Variants in DOK6 observed in about 807,000 individuals in gnomAD.
The protein encoded by DOK6 is downstream of tyrosine kinase 6.
A neutral mutation model predicts 44.0 loss-of-function variants in DOK6; 22 were observed. The observed-to-expected ratio is 0.50, with a 90% confidence interval of 0.36 to 0.71. The LOEUF is 0.71. DOK6 is among the 30% of genes least tolerant of loss of function. DOK6 has a pLI of 0.00. For synonymous variants in DOK6, 166 were observed against 145.5 expected, an observed-to-expected ratio of 1.14 and a Z score of -1.01; for missense variants, 340 against 416.4, an observed-to-expected ratio of 0.82 and a Z score of 1.60.
rs137938952 is a variant in DOK6 at position 69,783,960 on chromosome 18, G to A, written c.856+26087G>A. Among the ~76,000 whole-genome samples, 562 of 152,328 alleles carry A rather than the reference G, an allele frequency of 3.7e-3. 7 individuals are homozygous for A. The highest frequency in any genetic ancestry group is 0.013 in the African/African-American group (543 of 41,572). On this transcript the variant is annotated intron_variant, in intron 7 of 7. Coordinates refer to ENST00000382713, the MANE Select transcript of DOK6 (RefSeq NM_152721.6). Reference sequence around the variant, plus strand: ...TGTAATCCCAGCACTTTGGGAGGCAGAGGCGTGTTGATCACTTCAGCCCAT... The same window carrying A: ...TGTAATCCCAGCACTTTGGGAGGCAAAGGCGTGTTGATCACTTCAGCCCAT...
chr18:69,674,303 A>G lies in DOK6; in HGVS notation c.290-3431A>G, dbSNP rs368087404. Among the ~76,000 whole-genome samples, 75 of 152,344 alleles carry G rather than the reference A, an allele frequency of 4.9e-4. 1 individual carries two copies. The South Asian group carries it at 0.014, about 29-fold the overall frequency. On this transcript the variant is annotated intron_variant, in intron 3 of 7. Coordinates refer to ENST00000382713, the MANE Select transcript of DOK6 (RefSeq NM_152721.6). Reference sequence around the variant, plus strand: ...AAAACTGTTAGCTCCAAGTATACAGACTACAAAGGTTAATACTTTTGAGGT... The same window carrying G: ...AAAACTGTTAGCTCCAAGTATACAGGCTACAAAGGTTAATACTTTTGAGGT...
At chr18:69,754,838 A>G (rs1979302945) in intron 6 of DOK6, among the ~76,000 whole-genome samples, 1 of 152,176 alleles carries the variant, frequency 6.6e-6, no homozygotes, top group Admixed American at 6.5e-5. Flanking sequence ...CTTCAAATAT[A>G]GTCATTTGGG....
intron 1 of DOK6, among the ~76,000 whole-genome samples, chr18:69,455,520 ATT>A (rs922121141): frequency 3.9e-5 from 6 of 152,060 alleles, no homozygotes; most frequent in Non-Finnish European, 8.8e-5. Context: ...AAAATACCTC[ATT>A]TTTTGTTTCT....
intron 1 of DOK6, among the ~76,000 whole-genome samples, chr18:69,487,388 C>T (rs1011645967): frequency 1.3e-5 from 2 of 152,056 alleles, no homozygotes; most frequent in Non-Finnish European, 2.9e-5. Context: ...TTGAGGAGGT[C>T]ACTAAGATCA....
rs993407482 is a variant in DOK6 at position 69,604,105 on chromosome 18, T to C, written c.289+4607T>C. ...TTAAACTGAACCCTGCAATTATTTT[T>C]AATATAAACAGATAATTTCTATATC... On this transcript the variant is annotated intron_variant, in intron 3 of 7. Coordinates refer to ENST00000382713, the MANE Select transcript of DOK6 (RefSeq NM_152721.6). Among the ~76,000 whole-genome samples the C allele has an allele frequency of 9.2e-5, 14 of 152,190 alleles. 1 individual carries two copies. Among genetic ancestry groups the C allele is most frequent in the African/African-American group, 3.4e-4 (14 of 41,444 alleles).
intron 1 of DOK6, among the ~76,000 whole-genome samples, chr18:69,495,751 C>T (rs2364205): frequency 0.45 from 69,115 of 152,026 alleles, 16,165 homozygotes; most frequent in African/African-American, 0.5. Flanking sequence ...AGGCTGTTCA[C>T]GCCAAGAGGA....
chr18:69,781,824 A>C (rs921960217), intron 7 of DOK6, among the ~76,000 whole-genome samples: 37 of 152,178 alleles, frequency 2.4e-4, no homozygotes, highest in African/African-American at 8.9e-4. Flanking sequence ...TGATCTTTTC[A>C]TCCAGATGAC....
At chr18:69,778,504 T>A (rs1980151826) in intron 7 of DOK6, among the ~76,000 whole-genome samples, 1 of 152,152 alleles carries the variant, frequency 6.6e-6, no homozygotes, top group African/African-American at 2.4e-5. Flanking sequence ...CACTCAGAAG[T>A]TAACTCAGAT....
intron 3 of DOK6, among the ~76,000 whole-genome samples, chr18:69,637,943 C>T (rs979097143): frequency 1.3e-5 from 2 of 151,810 alleles, no homozygotes; most frequent in Admixed American, 6.6e-5. Context: ...CTATATTATG[C>T]CCGTCCTCAA....
chr18:69,571,027 A>G (rs1437251351), intron 2 of DOK6, among the ~76,000 whole-genome samples: 1 of 152,058 alleles, frequency 6.6e-6, no homozygotes, highest in Non-Finnish European at 1.5e-5. Context: ...TAACTTTGTC[A>G]TTATATATGT....
At chr18:69,402,763 T>A (rs1182162093) in intron 1 of DOK6, among the ~76,000 whole-genome samples, 1 of 152,212 alleles carries the variant, frequency 6.6e-6, no homozygotes, top group Non-Finnish European at 1.5e-5. Flanking sequence ...TGCGCTGCCG[T>A]GAGCCCCACC....
At chr18:69,821,318 A>G (rs8086400) in intron 7 of DOK6, among the ~76,000 whole-genome samples, 105,568 of 151,950 alleles carry the variant, frequency 0.69, 38,311 homozygotes, top group East Asian at 0.92. Context: ...CCAGTACCAG[A>G]TTTCCCTAAA....
intron 1 of DOK6, among the ~76,000 whole-genome samples, chr18:69,504,267 T>A (rs2144550695): frequency 6.6e-6 from 1 of 152,154 alleles, no homozygotes; most frequent in South Asian, 2.1e-4. Flanking sequence ...GTTTTAAAGT[T>A]TAAATCTCTA....
chr18:69,692,088 A>G (rs1485296469), intron 4 of DOK6, among the ~76,000 whole-genome samples: 1 of 152,184 alleles, frequency 6.6e-6, no homozygotes, highest in Non-Finnish European at 1.5e-5. Flanking sequence ...CAAAAGCAAA[A>G]GAAAGTGGGG....
chr18:69,600,023 T>G (rs1483462562), intron 3 of DOK6, among the ~76,000 whole-genome samples: 1 of 152,202 alleles, frequency 6.6e-6, no homozygotes, highest in Admixed American at 6.5e-5. Context: ...ACAAGGCAGT[T>G]TATAGTTTGA....
chr18:69,615,119 A>C (rs548041344), intron 3 of DOK6, among the ~76,000 whole-genome samples: 1 of 152,334 alleles, frequency 6.6e-6, no homozygotes, highest in African/African-American at 2.4e-5. Flanking sequence ...TATGACTTTA[A>C]GTTGTTGCAA....
chr18:69,593,823 T>C (rs1047010438), intron 2 of DOK6, among the ~76,000 whole-genome samples: 1 of 152,242 alleles, frequency 6.6e-6, no homozygotes, highest in Non-Finnish European at 1.5e-5. Context: ...GTTTTTATTA[T>C]ATGGTACATC....
At chr18:69,794,506 A>G (rs1462515973) in intron 7 of DOK6, among the ~76,000 whole-genome samples, 1 of 152,190 alleles carries the variant, frequency 6.6e-6, no homozygotes, top group African/African-American at 2.4e-5. Context: ...CAGTGGGAAC[A>G]TTGACAATGT....
intron 3 of DOK6, among the ~76,000 whole-genome samples, chr18:69,640,866 T>TAGTATTTGTATAAAAATAGTATAACAAAG (rs1255582027): frequency 1.3e-5 from 2 of 152,156 alleles, no homozygotes; most frequent in Admixed American, 6.6e-5. Flanking sequence ...AGTAACAAAT[T>TAGTATTTGTATAAAAATAGTATAACAAAG]AGTATAACAG....
Sources: gnomAD v4.1 joint callset for allele counts (sites outside exome capture counted in the v4.1 genomes callset) on GRCh38, gnomAD v4.1.1 for gene constraint, MANE v1.5 for transcripts, NCBI Gene and HGNC (gene_info 2026-07-23, HGNC 2026-07-21) for gene names.